ZNF608: variants seen among roughly 807,000 people sequenced by gnomAD.
The protein encoded by ZNF608 is zinc finger protein 608.
In ZNF608, 12 loss-of-function variants were observed where a neutral mutation model predicts 109.0. The ratio of observed to expected loss-of-function variants is 0.11; its 90% CI spans 0.07 to 0.18. ZNF608 has a LOEUF of 0.18. ZNF608 is among the 10% of genes least tolerant of loss of function. The pLI is 1.00. For synonymous variants in ZNF608, 732 were observed against 717.4 expected (o/e 1.02, Z -0.33); for missense variants, 1,707 against 1,879.3 (o/e 0.91, Z 1.70).
chr5:124,728,107 A>T (rs1203468459), intron 2 of ZNF608, among the ~76,000 whole-genome samples: 1 of 152,138 alleles, frequency 6.6e-6, no homozygotes, highest in Non-Finnish European at 1.5e-5. Context: ...TAGGCAGAAG[A>T]GATGACTGCC....
At chr5:124,715,909 C>A (rs1477244415) in intron 2 of ZNF608, among the ~76,000 whole-genome samples, 1 of 151,812 alleles carries the variant, frequency 6.6e-6, no homozygotes, top group Non-Finnish European at 1.5e-5. Context: ...CTTGGGAGGC[C>A]GAGGCGGGCG....
chr5:124,716,622 G>A (rs1416724136), intron 2 of ZNF608, among the ~76,000 whole-genome samples: 2 of 152,214 alleles, frequency 1.3e-5, no homozygotes, highest in Admixed American at 6.5e-5. Context: ...TTTTGGTGGA[G>A]TGGGGTAGGG....
intron 2 of ZNF608, among the ~76,000 whole-genome samples, chr5:124,716,805 G>A (rs1040686267): frequency 5.3e-5 from 8 of 152,100 alleles, no homozygotes; most frequent in Non-Finnish European, 7.4e-5. Context: ...CATTTTGGCC[G>A]GGCATGGTGG....
chr5:124,732,236 C>T (rs1272567406), intron 2 of ZNF608, among the ~76,000 whole-genome samples: 3 of 152,052 alleles, frequency 2.0e-5, no homozygotes, highest in African/African-American at 7.2e-5. Flanking sequence ...CATCAATAAA[C>T]AAATGATTTT....
At chr5:124,716,217 A>G (rs1753699394) in intron 2 of ZNF608, among the ~76,000 whole-genome samples, 1 of 151,846 alleles carries the variant, frequency 6.6e-6, no homozygotes, top group Admixed American at 6.6e-5. Flanking sequence ...TAAATGAAGC[A>G]TCTATTTAAA....
At chr5:124,673,163 T>C (rs1751801011) in intron 3 of ZNF608, among the ~76,000 whole-genome samples, 1 of 152,210 alleles carries the variant, frequency 6.6e-6, no homozygotes, top group Non-Finnish European at 1.5e-5. Context: ...GAGCATAGTT[T>C]GTGCATCCTT....
intron 3 of ZNF608, among the ~76,000 whole-genome samples, chr5:124,689,486 GAC>G (rs202016473): frequency 0.19 from 28,386 of 147,466 alleles, 2,826 homozygotes; most frequent in African/African-American, 0.22. Flanking sequence ...AAAAGAGAGA[GAC>G]AGAGAGAGAA....
intron 2 of ZNF608, chr5:124,708,669 G>T: frequency 2.2e-6 from 1 of 455,622 alleles, no homozygotes; most frequent in Non-Finnish European, 4.4e-6. Flanking sequence ...CTACCGTTAT[G>T]CACAGACTGG....
At chr5:124,651,278 T>C (rs377587060) in intron 3 of ZNF608, among the ~76,000 whole-genome samples, 3 of 151,992 alleles carry the variant, frequency 2.0e-5, no homozygotes, top group Non-Finnish European at 4.4e-5. Context: ...GACAGAACAA[T>C]TGGAGGAAAG....
At chr5:124,678,958 T>C (rs1752077963) in intron 3 of ZNF608, among the ~76,000 whole-genome samples, 1 of 152,220 alleles carries the variant, frequency 6.6e-6, no homozygotes, top group South Asian at 2.1e-4. Context: ...GCCTTTCTTA[T>C]TGCCGTGCAG....
chr5:124,733,598 C>A (rs1227169368), intron 2 of ZNF608, among the ~76,000 whole-genome samples: 1 of 152,108 alleles, frequency 6.6e-6, no homozygotes, highest in Non-Finnish European at 1.5e-5. Flanking sequence ...AATTAGTGAA[C>A]CCCAGGACTT....
At chr5:124,719,873 T>C (rs903902259) in intron 2 of ZNF608, among the ~76,000 whole-genome samples, 2 of 152,184 alleles carry the variant, frequency 1.3e-5, no homozygotes, top group Non-Finnish European at 2.9e-5. Context: ...GAGCTGTGCT[T>C]CTTCTTCATT....
At chr5:124,722,602 C>G (rs1049282764) in intron 2 of ZNF608, among the ~76,000 whole-genome samples, 8 of 151,646 alleles carry the variant, frequency 5.3e-5, no homozygotes, top group African/African-American at 1.7e-4. Flanking sequence ...CACACACACA[C>G]ACACACACAC....
At chr5:124,676,929 AG>A (rs1751969164) in intron 3 of ZNF608, among the ~76,000 whole-genome samples, 1 of 152,228 alleles carries the variant, frequency 6.6e-6, no homozygotes, top group Non-Finnish European at 1.5e-5. Context: ...GCGGCTATGT[AG>A]GGAGGGCAAC....
At chr5:124,645,802 C>T (rs1229614915) in intron 5 of ZNF608, among the ~76,000 whole-genome samples, 3 of 152,000 alleles carry the variant, frequency 2.0e-5, no homozygotes, top group Non-Finnish European at 4.4e-5. Flanking sequence ...GCACTGAGCT[C>T]TGAGTTTTGG....
intron 3 of ZNF608, 87 bp downstream of exon 3, chr5:124,700,927 C>T (rs1460159015): frequency 4.0e-5 from 62 of 1,545,648 alleles, no homozygotes; most frequent in Non-Finnish European, 4.9e-5. Context: ...CTCTGAATAC[C>T]GCAAAACAAA....
At chr5:124,715,959 C>A (rs995130409) in intron 2 of ZNF608, among the ~76,000 whole-genome samples, 2 of 151,748 alleles carry the variant, frequency 1.3e-5, no homozygotes, top group Non-Finnish European at 2.9e-5. Context: ...CTGGCTAACA[C>A]GGTGAAACCC....
chr5:124,711,286 T>C (rs1753477809), intron 2 of ZNF608, among the ~76,000 whole-genome samples: 2 of 152,234 alleles, frequency 1.3e-5, no homozygotes, highest in Non-Finnish European at 2.9e-5. Flanking sequence ...TTCAGAAATT[T>C]TATACATATA....
chr5:124,718,673 G>A (rs1042254314), intron 2 of ZNF608, among the ~76,000 whole-genome samples: 1 of 152,126 alleles, frequency 6.6e-6, no homozygotes, highest in African/African-American at 2.4e-5. Context: ...CTAAAACAAG[G>A]CATTTTTTTT....
Sources: gnomAD v4.1 joint callset for allele counts (sites outside exome capture counted in the v4.1 genomes callset) on GRCh38, gnomAD v4.1.1 for gene constraint, MANE v1.5 for transcripts, NCBI Gene and HGNC (gene_info 2026-07-23, HGNC 2026-07-21) for gene names.